Variants in AP3B1 observed in about 807,000 individuals in gnomAD.
AP3B1 encodes the protein AP-3 complex subunit beta-1.
AP3B1 carries 61 observed loss-of-function variants against 132.5 expected under a neutral mutation model. The ratio of observed to expected loss-of-function variants is 0.46; its 90% CI spans 0.37 to 0.57. AP3B1 has a LOEUF of 0.57. Ranked by LOEUF, AP3B1 falls within the 20% of genes least tolerant of loss-of-function variation. The probability of loss-of-function intolerance (pLI) is 0.00; values close to 1 mark genes in which losing one functional copy is unlikely to be tolerated. For synonymous variants in AP3B1, 388 were observed against 438.3 expected (o/e 0.89, Z 1.43); for missense variants, 1,120 against 1,289.4 (o/e 0.87, Z 2.01).
chr5:78,191,824 T>G (rs1015320765), intron 7 of AP3B1, among the ~76,000 whole-genome samples: 1 of 152,166 alleles, frequency 6.6e-6, no homozygotes. Context: ...TGTTTCTCAA[T>G]CTAGGTATTT....
chr5:78,121,615 G>C (rs1163718701), intron 17 of AP3B1: 2 of 152,142 alleles, frequency 1.3e-5, no homozygotes, highest in Non-Finnish European at 2.9e-5. Flanking sequence ...TAAATTCCTT[G>C]ATACATACAC....
intron 9 of AP3B1, among the ~76,000 whole-genome samples, chr5:78,176,150 T>C (rs190414078): frequency 2.2e-4 from 34 of 152,270 alleles, no homozygotes; most frequent in African/African-American, 8.2e-4. Context: ...TTAGGGTTAA[T>C]AGGGGTAGAT....
chr5:78,162,643 A>G (rs1743434588), intron 13 of AP3B1, among the ~76,000 whole-genome samples, 176 bp downstream of exon 13: 1 of 152,134 alleles, frequency 6.6e-6, no homozygotes, highest in Non-Finnish European at 1.5e-5. Flanking sequence ...AAAAAAAAGA[A>G]CCCAGAATAT....
chr5:78,001,198 C>A (rs1013447074), downstream of AP3B1: 1 of 152,138 alleles, frequency 6.6e-6, no homozygotes, highest in Non-Finnish European at 1.5e-5. Context: ...TGCCTGAAGA[C>A]AGCATGGATA....
chr5:78,139,093 A>G (rs1479583605), intron 15 of AP3B1, among the ~76,000 whole-genome samples: 1 of 152,020 alleles, frequency 6.6e-6, no homozygotes, highest in East Asian at 1.9e-4. Context: ...TCACTGGGTA[A>G]AAAGACATGA....
At chr5:78,081,991 A>C (rs1193363475) in intron 22 of AP3B1, among the ~76,000 whole-genome samples, 2 of 152,282 alleles carry the variant, frequency 1.3e-5, no homozygotes, top group Non-Finnish European at 2.9e-5. Context: ...CCAGTACAAA[A>C]ATGGCCAACT....
intron 12 of AP3B1, 129 bp from the exon 13 acceptor site, chr5:78,163,080 G>A: frequency 1.2e-6 from 1 of 848,680 alleles, no homozygotes; most frequent in East Asian, 2.5e-5. Flanking sequence ...ACAATATGAG[G>A]ACCAAGTGAT....
chr5:78,078,991 T>C (rs1056456670), intron 22 of AP3B1, among the ~76,000 whole-genome samples: 14 of 152,198 alleles, frequency 9.2e-5, no homozygotes, highest in Admixed American at 2.0e-4. Flanking sequence ...AGCTCTTAGG[T>C]ATTGCAAATT....
chr5:78,223,715 G>T (rs1746285028), intron 6 of AP3B1, among the ~76,000 whole-genome samples: 1 of 152,006 alleles, frequency 6.6e-6, no homozygotes. Flanking sequence ...TCTTTCTCTC[G>T]ACACAAACAG....
At chr5:78,241,962 A>C (rs1055064940) in intron 2 of AP3B1, among the ~76,000 whole-genome samples, 1 of 152,204 alleles carries the variant, frequency 6.6e-6, no homozygotes, top group African/African-American at 2.4e-5. Context: ...TTCTCAGAAC[A>C]CATGTTAATC....
chr5:78,233,484 C>T (rs779180501), intron 3 of AP3B1, among the ~76,000 whole-genome samples: 6 of 152,156 alleles, frequency 3.9e-5, no homozygotes, highest in Non-Finnish European at 8.8e-5. Context: ...ATCCGCCCAC[C>T]CCGGCCTCCC....
intron 3 of AP3B1, 112 bp from the exon 4 acceptor site, chr5:78,228,351 CAT>C (rs1724871505): frequency 1.5e-6 from 1 of 671,766 alleles, no homozygotes; most frequent in Non-Finnish European, 2.5e-6. Context: ...AATCTGGTCA[CAT>C]GTTAGATTGT....
At chr5:78,293,502 A>G (rs1749622196) in intron 1 of AP3B1, among the ~76,000 whole-genome samples, 1 of 152,250 alleles carries the variant, frequency 6.6e-6, no homozygotes, top group South Asian at 2.1e-4. Flanking sequence ...AGCACTTTCT[A>G]GACTACCCAA....
intron 20 of AP3B1, among the ~76,000 whole-genome samples, chr5:78,109,089 T>C (rs1751466533): frequency 6.6e-6 from 1 of 152,206 alleles, no homozygotes; most frequent in Non-Finnish European, 1.5e-5. Context: ...CACTAAGTGA[T>C]AAGTTTTTAT....
chr5:78,188,470 T>C (rs1744693828), intron 7 of AP3B1, among the ~76,000 whole-genome samples: 3 of 152,098 alleles, frequency 2.0e-5, no homozygotes, highest in Admixed American at 2.0e-4. Context: ...CCAAGAAACA[T>C]ATGAAAAATA....
At chr5:78,003,131 T>A in intron 26 of AP3B1, 76 bp from the exon 27 acceptor site, 1 of 1,498,292 alleles carries the variant, frequency 6.7e-7, no homozygotes, top group Non-Finnish European at 9.2e-7. Flanking sequence ...CAAATAGGAT[T>A]AAAATAACTC....
chr5:78,125,083 T>C (rs1752403478), intron 17 of AP3B1, among the ~76,000 whole-genome samples: 1 of 152,192 alleles, frequency 6.6e-6, no homozygotes, highest in Non-Finnish European at 1.5e-5. Context: ...ACATAGACGC[T>C]AATTTGAAAG....
At chr5:78,216,003 G>A in intron 7 of AP3B1, 52 bp downstream of exon 7, 1 of 1,588,168 alleles carries the variant, frequency 6.3e-7, no homozygotes, top group South Asian at 1.1e-5. Context: ...GTTTTAAAAA[G>A]CTCATCCATT....
At chr5:78,122,349 C>T (rs1327229136) in intron 17 of AP3B1, among the ~76,000 whole-genome samples, 1 of 152,130 alleles carries the variant, frequency 6.6e-6, no homozygotes, top group Admixed American at 6.5e-5. Flanking sequence ...CTGGCCAGGG[C>T]AGTTAGGCAG....
Sources: gnomAD v4.1 joint callset for allele counts (sites outside exome capture counted in the v4.1 genomes callset) on GRCh38, gnomAD v4.1.1 for gene constraint, MANE v1.5 for transcripts, NCBI Gene and HGNC (gene_info 2026-07-23, HGNC 2026-07-21) for gene names.